The following VGLL4 variants were observed in gnomAD, a reference collection of about 807,000 sequenced individuals.
The protein encoded by VGLL4 is vestigial like family member 4.
Under a neutral mutation model 21.0 loss-of-function variants are expected in VGLL4, and 7 were observed. That is an observed-to-expected ratio of 0.33 (90% CI 0.19 to 0.63). The LOEUF (loss-of-function observed/expected upper bound fraction) is 0.63. VGLL4 is among the 20% of genes least tolerant of loss of function. VGLL4 has a pLI of 0.78. For synonymous variants in VGLL4, 222 were observed against 173.2 expected (o/e 1.28, Z -2.21); for missense variants, 394 against 425.7 (o/e 0.93, Z 0.66).
intron 1 of VGLL4, among the ~76,000 whole-genome samples, chr3:11,614,747 T>C (rs778167648): frequency 6.6e-6 from 1 of 152,178 alleles, no homozygotes; most frequent in African/African-American, 2.4e-5. Flanking sequence ...CCTGACACAG[T>C]GGAAGCAGCA....
intron 3 of VGLL4, among the ~76,000 whole-genome samples, chr3:11,561,450 G>T (rs2072993004): frequency 1.3e-5 from 2 of 152,196 alleles, no homozygotes; most frequent in African/African-American, 4.8e-5. Flanking sequence ...CAGATGTGAA[G>T]ATGTTCAGTG....
chr3:11,620,690 A>G (rs1194775670), intron 1 of VGLL4, among the ~76,000 whole-genome samples: 1 of 152,128 alleles, frequency 6.6e-6, no homozygotes, highest in African/African-American at 2.4e-5. Context: ...CTGGACAACA[A>G]TAAATTCACA....
chr3:11,648,687 A>C (rs1251233443), upstream of VGLL4, among the ~76,000 whole-genome samples: 1 of 152,230 alleles, frequency 6.6e-6, no homozygotes, highest in Non-Finnish European at 1.5e-5. Flanking sequence ...ACATTTAAAA[A>C]TAGAAAGAAC....
At chr3:11,637,033 T>C (rs2075602378) in intron 1 of VGLL4, among the ~76,000 whole-genome samples, 1 of 146,806 alleles carries the variant, frequency 6.8e-6, no homozygotes, top group Non-Finnish European at 1.5e-5. Context: ...AAAGAAGGCA[T>C]ACAGGCATCT....
chr3:11,591,845 G>A (rs1000036334), intron 2 of VGLL4, among the ~76,000 whole-genome samples: 1 of 152,242 alleles, frequency 6.6e-6, no homozygotes, highest in Admixed American at 6.5e-5. Context: ...TCCCTAATGG[G>A]AATGGAAACA....
At chr3:11,690,107 G>A (rs2076505985) in intron 2 of VGLL4, among the ~76,000 whole-genome samples, 2 of 131,980 alleles carry the variant, frequency 1.5e-5, no homozygotes. Flanking sequence ...ATTACTCTAG[G>A]GCCCCTTCCT....
chr3:11,654,663 T>G (rs756854981), intron 2 of VGLL4, among the ~76,000 whole-genome samples: 15 of 152,216 alleles, frequency 9.9e-5, no homozygotes, highest in Non-Finnish European at 1.5e-4. Flanking sequence ...CAAATCCACC[T>G]TCCTCATCAC....
chr3:11,582,432 G>A (rs1472271100), intron 2 of VGLL4: 6 of 1,491,738 alleles, frequency 4.0e-6, no homozygotes, highest in African/African-American at 1.4e-5. Context: ...CCTGAAAGGA[G>A]GGTTGCGAGG....
intron 1 of VGLL4, among the ~76,000 whole-genome samples, chr3:11,641,057 C>T (rs1401402165): frequency 5.5e-5 from 8 of 144,252 alleles, no homozygotes; most frequent in African/African-American, 1.8e-4. Flanking sequence ...GCAGAGGTTG[C>T]AGTGAGCCAA....
chr3:11,565,758 A>G lies in VGLL4; in HGVS notation c.273-739T>C, dbSNP rs965698719. Among the ~76,000 whole-genome samples the G allele has an allele frequency of 6.6e-6, 1 of 152,182 alleles. No individual in the cohort carries two copies. Among genetic ancestry groups the G allele is most frequent in the Non-Finnish European group, 1.5e-5 (1 of 68,032 alleles). On this transcript the variant is annotated intron_variant, in intron 2 of 4. Coordinates refer to ENST00000430365, the MANE Select transcript of VGLL4 (RefSeq NM_001128219.3). The surrounding 1 kb of genome is among the most constrained non-coding windows in gnomAD (Gnocchi z 4.1). ...GGCGATGCCACGTGGAATCCAGGTG[A>G]GACAGTCAGCACCACCTCCATCTGA...
At chr3:11,643,314 G>T (rs1400817628) in intron 1 of VGLL4, 123 bp downstream of exon 1, 1 of 1,436,874 alleles carries the variant, frequency 7.0e-7, no homozygotes, top group Admixed American at 2.0e-5. Flanking sequence ...AAGAAACGCC[G>T]GCCTTTCAAG....
At chr3:11,702,455 CAAAAAAA>C (rs56189603) in intron 2 of VGLL4, among the ~76,000 whole-genome samples, 5 of 96,170 alleles carry the variant, frequency 5.2e-5, no homozygotes, top group South Asian at 3.7e-4. Flanking sequence ...ACTAAAAATA[CAAAAAAA>C]AAAAAAAAAA....
intron 2 of VGLL4, among the ~76,000 whole-genome samples, chr3:11,656,768 G>C (rs546494290): frequency 6.6e-6 from 1 of 152,320 alleles, no homozygotes; most frequent in Admixed American, 6.5e-5. Context: ...CTTTGAGAAA[G>C]AACTAGGTTT....
chr3:11,601,737 T>G (rs1406460998), intron 2 of VGLL4, 96 bp downstream of exon 2: 2 of 1,346,680 alleles, frequency 1.5e-6, no homozygotes, highest in Non-Finnish European at 1.0e-6. Flanking sequence ...AAATAAAGTA[T>G]GCAAATGATA....
At chr3:11,683,721 G>A (rs1233326821) in intron 2 of VGLL4, among the ~76,000 whole-genome samples, 1 of 151,962 alleles carries the variant, frequency 6.6e-6, no homozygotes, top group Non-Finnish European at 1.5e-5. Context: ...TTCAACCCAG[G>A]AGGCAGAGTT....
intron 2 of VGLL4, chr3:11,671,294 A>G: frequency 6.3e-7 from 1 of 1,593,186 alleles, no homozygotes; most frequent in Non-Finnish European, 8.5e-7. Flanking sequence ...CCAACTTTTG[A>G]GTGCACAGGA....
At chr3:11,707,537 CA>C (rs2076779760) in intron 1 of VGLL4, among the ~76,000 whole-genome samples, 1 of 148,614 alleles carries the variant, frequency 6.7e-6, no homozygotes, top group Non-Finnish European at 1.5e-5. Flanking sequence ...TGGAAGATAA[CA>C]GTTATTAAAA....
chr3:11,563,255 G>A (rs922252895), intron 3 of VGLL4, among the ~76,000 whole-genome samples: 3 of 152,168 alleles, frequency 2.0e-5, no homozygotes, highest in Admixed American at 6.5e-5. Context: ...CTCCATACCC[G>A]TGTCCTTCAG....
At chr3:11,694,738 G>C (rs764175784) in intron 2 of VGLL4, among the ~76,000 whole-genome samples, 6 of 152,134 alleles carry the variant, frequency 3.9e-5, no homozygotes, top group Non-Finnish European at 8.8e-5. Flanking sequence ...ACAAGAGTTT[G>C]CAAGATGAAA....
Sources: gnomAD v4.1 joint callset for allele counts (sites outside exome capture counted in the v4.1 genomes callset) on GRCh38, gnomAD v4.1.1 for gene constraint, Gnocchi (gnomAD v3.1) non-coding constraint, MANE v1.5 for transcripts, NCBI Gene and HGNC (gene_info 2026-07-23, HGNC 2026-07-21) for gene names.